Variants in CDCP2 observed in about 807,000 individuals in gnomAD.
CDCP2 encodes CUB domain containing protein 2.
CDCP2 carries 31 observed loss-of-function variants against 31.0 expected under a neutral mutation model. That is an observed-to-expected ratio of 1.00 (90% CI 0.75 to 1.35). CDCP2 has a LOEUF of 1.35. CDCP2 is among the 40% of genes most tolerant of loss of function. CDCP2 has a pLI of 0.00. For missense variants in CDCP2, 443 were observed against 482.6 expected (o/e 0.92, Z 0.77); for synonymous variants, 206 against 207.9 (o/e 0.99, Z 0.08).
exon 4 of CDCP2, chr1:54,140,051 G>A (rs1659336490): frequency 1.2e-6 from 2 of 1,613,686 alleles, no homozygotes; most frequent in East Asian, 2.2e-5. Context: ...AGGAGCTGGG[G>A]TACTGTGGGC....
At chr1:54,151,184 C>T (rs1230332474) in intron 1 of CDCP2, among the ~76,000 whole-genome samples, 2 of 152,164 alleles carry the variant, frequency 1.3e-5, no homozygotes, top group Non-Finnish European at 2.9e-5. Flanking sequence ...CCCAGACGCA[C>T]GTGCACTTAG....
At chr1:54,150,557 T>C (rs2100434646) in intron 1 of CDCP2, among the ~76,000 whole-genome samples, 2 of 151,790 alleles carry the variant, frequency 1.3e-5, no homozygotes, top group Non-Finnish European at 2.9e-5. Context: ...ATTGCGCCAC[T>C]GCACTCCAGC....
In CDCP2 at chr1:54,144,974, T is replaced by A. The variant is rs187952053; in HGVS notation, c.80-161A>T. 1.5e-4 allele frequency among the ~76,000 whole-genome samples: 23 copies of A among 152,292 alleles called. No individual in the cohort carries two copies. The East Asian group carries it at 4.4e-3, about 29-fold the overall frequency. ...ATGCATCTACTTATTCTTCAGATGCTGACCAAGCATGCTGGTATTCATTCC... is the reference window on the plus strand; with the variant it reads ...ATGCATCTACTTATTCTTCAGATGCAGACCAAGCATGCTGGTATTCATTCC... On this transcript the variant is annotated intron_variant, in intron 1 of 5. Transcript: ENST00000530059.
At chr1:54,139,588 G>A in intron 4 of CDCP2, 165 bp downstream of exon 4, 2 of 1,608,348 alleles carry the variant, frequency 1.2e-6, no homozygotes, top group Non-Finnish European at 1.7e-6. Context: ...AGTCTTAGGG[G>A]TCCCGAGAGT....
chr1:54,152,032 A>G (rs942017568), intron 1 of CDCP2, among the ~76,000 whole-genome samples: 1 of 152,190 alleles, frequency 6.6e-6, no homozygotes, highest in African/African-American at 2.4e-5. Flanking sequence ...TGCCCAAGGG[A>G]TGCAGGAAAC....
chr1:54,134,871 G>A (rs1409354264), intron 5 of CDCP2, among the ~76,000 whole-genome samples: 2 of 152,164 alleles, frequency 1.3e-5, no homozygotes, highest in East Asian at 3.9e-4. Context: ...GAGTAGCTGG[G>A]ATTACAGGAG....
At chr1:54,141,590 G>A (rs1163394422) in intron 2 of CDCP2, 157 bp from the exon 3 acceptor site, 2 of 639,200 alleles carry the variant, frequency 3.1e-6, no homozygotes, top group Non-Finnish European at 5.4e-6. Context: ...AGCAAGTGTA[G>A]CACGTGCTCA....
chr1:54,140,044 A>C, exon 4 of CDCP2: 1 of 1,613,718 alleles, frequency 6.2e-7, no homozygotes, highest in South Asian at 1.1e-5. Context: ...TTGGGGTAGG[A>C]GCTGGGGTAC....
chr1:54,151,516 G>C (rs1318696943), intron 1 of CDCP2, among the ~76,000 whole-genome samples: 18 of 152,158 alleles, frequency 1.2e-4, no homozygotes, highest in Admixed American at 1.2e-3. Context: ...TGTCCACTAG[G>C]ACCCAGCCAG....
At chr1:54,142,769 C>T (rs1302978295) in intron 2 of CDCP2, 1 of 152,200 alleles carries the variant, frequency 6.6e-6, no homozygotes, top group Non-Finnish European at 1.5e-5. Flanking sequence ...CTGTGAGATC[C>T]CTTCCAACAC....
rs755964498 is a variant in CDCP2, at chr1:54,144,459, C to T, written c.427+7G>A. Reference sequence around the variant, plus strand: ...ACTGCAACAGGTCCCTAAGGCCCCCCGTTGACCTTTCTGGTAGCCCGCAGA... The same window carrying T: ...ACTGCAACAGGTCCCTAAGGCCCCCTGTTGACCTTTCTGGTAGCCCGCAGA... On this transcript the variant is annotated splice_region_variant and intron_variant, in intron 2 of 5. Transcript: ENST00000530059. 109 of 1,563,892 alleles carry T rather than the reference C, an allele frequency of 7.0e-5. No individual in the cohort carries two copies. The South Asian group carries it at 8.0e-4, about 11-fold the overall frequency.
At chr1:54,149,832 G>A (rs1659546839) in intron 1 of CDCP2, among the ~76,000 whole-genome samples, 1 of 152,222 alleles carries the variant, frequency 6.6e-6, no homozygotes, top group Admixed American at 6.5e-5. Context: ...ATGAGTGAGT[G>A]AATAATCTTA....
At chr1:54,147,587 G>A (rs905805456) in intron 1 of CDCP2, among the ~76,000 whole-genome samples, 1 of 151,732 alleles carries the variant, frequency 6.6e-6, no homozygotes, top group Non-Finnish European at 1.5e-5. Context: ...GGCTGGTCTC[G>A]AACTCCTGAC....
exon 4 of CDCP2, chr1:54,139,955 C>A: frequency 6.2e-7 from 1 of 1,614,208 alleles, no homozygotes; most frequent in Non-Finnish European, 8.5e-7. Flanking sequence ...TGTTGGGCTC[C>A]TCCAGGTCCA....
At position 54,144,656 on chromosome 1, in the gene CDCP2, G is replaced by T; in HGVS notation, c.237C>A (p.Tyr79Ter). 6.2e-7 allele frequency: 1 copy of T among 1,614,224 alleles called. No individual in the cohort carries two copies. The highest frequency in any genetic ancestry group is 8.5e-7 in the Non-Finnish European group (1 of 1,180,040). Residue 79 changes from tyrosine to a stop codon, truncating the protein, a stop_gained, in exon 2 of 6, where the codon TAC becomes TAA. Coordinates refer to ENST00000530059, the Ensembl canonical transcript of CDCP2. LOFTEE classifies it high-confidence loss of function. The stretch of plus-strand genomic sequence containing the variant: ...GAAAGTCGAAGCTGCAGGTGTCGTG[G>T]TACTCTAGGTCAAAGGCATGGAAGG...
At position 54,141,853 on chromosome 1, in the gene CDCP2, A is replaced by G. The variant is rs560257711; in HGVS notation, c.428-420T>C. On this transcript the variant is annotated intron_variant, in intron 2 of 5. Transcript: ENST00000530059. ...AGAGAAGGGGAGGTGTGTTCAAGTC[A>G]GCTGCTGACCTTGGGGGGAACTCTG... 6.1e-5 allele frequency: 10 copies of G among 164,706 alleles called. No individual in the cohort carries two copies. The South Asian group carries it at 1.6e-3, about 26-fold the overall frequency. 10.2% of individuals were successfully genotyped at this position (164,706 alleles called of 1,614,324 possible). A position where few individuals can be genotyped will look rare whatever the true frequency, so the allele number is the denominator to read the frequency against.
exon 4 of CDCP2, chr1:54,140,094 T>A: frequency 6.2e-7 from 1 of 1,613,014 alleles, no homozygotes; most frequent in Non-Finnish European, 8.5e-7. Flanking sequence ...CATGTATACC[T>A]CCTGGCATTC....
exon 6 of CDCP2, chr1:54,133,144 G>C (rs992824966): frequency 2.5e-6 from 1 of 399,142 alleles, no homozygotes. Context: ...GCAGCATAGG[G>C]CCCCAGCCAG....
chr1:54,139,581 C>A, intron 4 of CDCP2, 172 bp downstream of exon 4: 6 of 1,613,646 alleles, frequency 3.7e-6, no homozygotes, highest in Non-Finnish European at 5.1e-6. Context: ...ACCGTCCAGT[C>A]TTAGGGGTCC....
Sources: gnomAD v4.1 joint callset for allele counts (sites outside exome capture counted in the v4.1 genomes callset) on GRCh38, gnomAD v4.1.1 for gene constraint, MANE v1.5 for transcripts, NCBI Gene and HGNC (gene_info 2026-07-23, HGNC 2026-07-21) for gene names.